Variants in FRMPD4 observed in about 807,000 individuals in gnomAD.
The protein encoded by FRMPD4 is FERM and PDZ domain-containing protein 4.
Under a neutral mutation model 94.1 loss-of-function variants are expected in FRMPD4, and 22 were observed. That is an observed-to-expected ratio of 0.23 (90% CI 0.17 to 0.33). FRMPD4 has a LOEUF of 0.33. FRMPD4 is among the 10% of genes least tolerant of loss of function. The pLI is 1.00. For synonymous variants in FRMPD4, 631 were observed against 548.6 expected (o/e 1.15, Z -2.10); for missense variants, 1,111 against 1,339.9 (o/e 0.83, Z 2.67).
At chrX:11,995,625 A>G (rs1274373746) in intron 3 of FRMPD4, among the ~76,000 whole-genome samples, 1 of 112,147 alleles carries the variant, frequency 8.9e-6, no homozygotes, top group Non-Finnish European at 1.9e-5. Flanking sequence ...ATGCATTTAT[A>G]TAAAGTATTA....
At chrX:12,222,062 G>C (rs1262507470) in intron 1 of FRMPD4, among the ~76,000 whole-genome samples, 1 of 111,933 alleles carries the variant, frequency 8.9e-6, no homozygotes, top group East Asian at 2.8e-4. Flanking sequence ...GCCAGGTGTG[G>C]TGACACATGC....
chrX:12,507,206 A>T (rs902462302), intron 2 of FRMPD4, among the ~76,000 whole-genome samples: 1 of 112,560 alleles, frequency 8.9e-6, no homozygotes, highest in African/African-American at 3.2e-5. Flanking sequence ...TGTCAAGGAT[A>T]GGTTTTCTCA....
intron 1 of FRMPD4, among the ~76,000 whole-genome samples, chrX:12,443,092 G>A (rs112723571): frequency 0.023 from 2,594 of 111,249 alleles, 90 homozygotes; most frequent in African/African-American, 0.081. Context: ...GGGGAGAATA[G>A]GGAGTGACTG....
chrX:11,832,390 A>T (rs1236779660), intron 1 of FRMPD4, among the ~76,000 whole-genome samples: 3 of 111,613 alleles, frequency 2.7e-5, no homozygotes, highest in Middle Eastern at 4.6e-3. Context: ...AGAGGCACCA[A>T]ATTTCCATTC....
chrX:12,046,112 C>G, intron 3 of FRMPD4, among the ~76,000 whole-genome samples: 2 of 110,978 alleles, frequency 1.8e-5, no homozygotes, highest in Non-Finnish European at 3.8e-5. Flanking sequence ...TTTAGAGTCA[C>G]AAGGAGAAAC....
At chrX:11,968,442 T>C (rs2054323307) in intron 3 of FRMPD4, among the ~76,000 whole-genome samples, 1 of 111,624 alleles carries the variant, frequency 9.0e-6, no homozygotes, top group African/African-American at 3.3e-5. Context: ...AGGTGAATTA[T>C]ATACAGGGTG....
chrX:12,194,107 C>G (rs1469953874), intron 1 of FRMPD4, among the ~76,000 whole-genome samples: 1 of 109,888 alleles, frequency 9.1e-6, no homozygotes, highest in Admixed American at 9.7e-5. Flanking sequence ...GAGTATTACT[C>G]TTGGGTATTT....
intron 1 of FRMPD4, among the ~76,000 whole-genome samples, chrX:12,447,231 G>T (rs1393355131): frequency 9.0e-6 from 1 of 111,569 alleles, no homozygotes; most frequent in African/African-American, 3.3e-5. Flanking sequence ...TGATATTTGG[G>T]GCCAGATAAT....
chrX:11,839,504 T>G (rs1421266975), intron 1 of FRMPD4, among the ~76,000 whole-genome samples: 1 of 111,748 alleles, frequency 8.9e-6, no homozygotes, highest in African/African-American at 3.2e-5. Flanking sequence ...AGCCCTTTAT[T>G]AGATATATGA....
At chrX:12,679,663 A>C (rs2059945869) in intron 5 of FRMPD4, among the ~76,000 whole-genome samples, 2 of 111,423 alleles carry the variant, frequency 1.8e-5, no homozygotes, top group Non-Finnish European at 3.8e-5. Flanking sequence ...GAAAACTTAC[A>C]ATACAAGGAG....
At chrX:12,011,862 C>A (rs1288396237) in intron 3 of FRMPD4, among the ~76,000 whole-genome samples, 1 of 110,046 alleles carries the variant, frequency 9.1e-6, no homozygotes, top group Non-Finnish European at 1.9e-5. Context: ...GTTTCTATAT[C>A]ATTTGCAAAT....
intron 11 of FRMPD4, among the ~76,000 whole-genome samples, chrX:12,705,560 A>G (rs1569064871): frequency 9.0e-6 from 1 of 111,037 alleles, no homozygotes; most frequent in East Asian, 2.8e-4. Flanking sequence ...ATCAGTTTCA[A>G]CACACTATCA....
intron 1 of FRMPD4, among the ~76,000 whole-genome samples, chrX:12,369,874 TA>T (rs2056138551): frequency 2.7e-5 from 3 of 112,081 alleles, no homozygotes; most frequent in African/African-American, 9.7e-5. Context: ...AGTAGTAATC[TA>T]AATCATCCAT....
At chrX:12,403,585 A>G (rs976810496) in intron 1 of FRMPD4, among the ~76,000 whole-genome samples, 1 of 110,638 alleles carries the variant, frequency 9.0e-6, no homozygotes, top group Admixed American at 9.7e-5. Flanking sequence ...CACTGCTCCT[A>G]AGGATGTAAT....
intron 1 of FRMPD4, among the ~76,000 whole-genome samples, chrX:12,280,685 T>A (rs1354729938): frequency 8.9e-6 from 1 of 111,847 alleles, no homozygotes; most frequent in Admixed American, 9.4e-5. Flanking sequence ...TCCTCGGATC[T>A]ATGGATTTTG....
chrX:12,340,509 C>A (rs1312150976), intron 1 of FRMPD4, among the ~76,000 whole-genome samples: 2 of 111,143 alleles, frequency 1.8e-5, no homozygotes, highest in African/African-American at 6.5e-5. Flanking sequence ...TCAAAGAGAA[C>A]CATCACAGTT....
chrX:11,978,040 C>T (rs1013271985), intron 3 of FRMPD4, among the ~76,000 whole-genome samples: 4 of 109,188 alleles, frequency 3.7e-5, no homozygotes, highest in Non-Finnish European at 7.6e-5. Context: ...TTAAAAGTTC[C>T]GGCCGGGCTC....
chrX:12,655,886 T>C (rs764044329), intron 4 of FRMPD4, among the ~76,000 whole-genome samples: 20 of 112,254 alleles, frequency 1.8e-4, no homozygotes, highest in Non-Finnish European at 3.6e-4. Flanking sequence ...GGAGTCCCAA[T>C]AATTTTCATA....
rs756901837 is a variant in FRMPD4 at position 12,630,257 on chromosome X, G to A, written c.422+15376G>A. Among the ~76,000 whole-genome samples the A allele has an allele frequency of 3.3e-4, 37 of 112,676 alleles. No individual in the cohort carries two copies. In the South Asian group the frequency reaches 0.014, roughly 41 times the overall value. ...AAGGCCCAGATAGTAAATATTTTAC[G>A]CATTGCAGGCCATAAGGGTCTCTGT... is the stretch of plus-strand genomic sequence containing the variant. On this transcript the variant is annotated intron_variant, in intron 4 of 16. Coordinates refer to ENST00000675598, the MANE Select transcript of FRMPD4 (RefSeq NM_001368397.1).
Sources: gnomAD v4.1 joint callset for allele counts (sites outside exome capture counted in the v4.1 genomes callset) on GRCh38, gnomAD v4.1.1 for gene constraint, MANE v1.5 for transcripts, NCBI Gene and HGNC (gene_info 2026-07-23, HGNC 2026-07-21) for gene names.